CAMK2B: variants seen among roughly 807,000 people sequenced by gnomAD.
CAMK2B encodes the protein calcium/calmodulin dependent protein kinase II beta, also known as calcium/calmodulin-dependent protein kinase type II subunit beta.
In CAMK2B, 27 loss-of-function variants were observed where a neutral mutation model predicts 93.7. The ratio of observed to expected loss-of-function variants is 0.29; its 90% CI spans 0.21 to 0.40. The LOEUF is 0.40. CAMK2B is among the 10% of genes least tolerant of loss of function. The probability of loss-of-function intolerance (pLI) is 1.00; values close to 1 mark genes in which losing one functional copy is unlikely to be tolerated. For synonymous variants in CAMK2B, 374 were observed against 358.8 expected, an observed-to-expected ratio of 1.04 and a Z score of -0.48; for missense variants, 568 against 895.8, an observed-to-expected ratio of 0.63 and a Z score of 4.67.
At chr7:44,233,655 CT>C (rs374675235) in intron 15 of CAMK2B, among the ~76,000 whole-genome samples, 14 of 152,306 alleles carry the variant, frequency 9.2e-5, no homozygotes, top group African/African-American at 3.1e-4. Context: ...CCAGCCACAA[CT>C]TTACATCCTT....
chr7:44,244,135 C>T (rs1220227897), intron 6 of CAMK2B, among the ~76,000 whole-genome samples: 1 of 152,214 alleles, frequency 6.6e-6, no homozygotes, highest in Non-Finnish European at 1.5e-5. Flanking sequence ...CACCAAGTCC[C>T]CCTGGCTCTG....
rs1036139717 is a variant in CAMK2B at position 44,218,645 on chromosome 7, G to C, written c.*880C>G. On this transcript the variant is annotated 3_prime_UTR_variant, in exon 24 of 24. Transcript: ENST00000395749. ...GCCCAGGCAGAGTCCTCTTGCCACA[G>C]CTGGCTGTGTTGGAGCTGTAGCCAG... 1 of 152,322 alleles carries C rather than the reference G, an allele frequency of 6.6e-6. No individual in the cohort carries two copies. Among genetic ancestry groups the C allele is most frequent in the African/African-American group, 2.4e-5 (1 of 41,476 alleles). 9.4% of individuals were successfully genotyped at this position (152,322 alleles called of 1,614,324 possible). A position where few individuals can be genotyped will look rare whatever the true frequency, so the allele number is the denominator to read the frequency against.
At position 44,229,636 on chromosome 7, in the gene CAMK2B, T is replaced by C. The variant is rs543795692; in HGVS notation, c.1226-135A>G. 1,088 of 191,698 alleles carry C rather than the reference T, an allele frequency of 5.7e-3. 11 individuals carry two copies. The highest frequency in any genetic ancestry group is 0.021 in the Admixed American group (155 of 7,282). 11.9% of individuals were successfully genotyped at this position (191,698 alleles called of 1,614,324 possible). A position where few individuals can be genotyped will look rare whatever the true frequency, so the allele number is the denominator to read the frequency against. On this transcript the variant is annotated intron_variant, in intron 17 of 23. Coordinates refer to ENST00000395749, the MANE Select transcript of CAMK2B (RefSeq NM_001220.5). ...ATACCTGGGGCTCCTGGGGTGGAGG[T>C]GGGGTGGCCACCTGTGGGGGTCCTG...
Position 44,247,110 on chromosome 7 carries a change from G to C in CAMK2B, c.414+10C>G, listed in dbSNP as rs2096739090. On this transcript the variant is annotated intron_variant, in intron 6 of 23. Transcript: ENST00000395749. ...ACAGACACCTGGCACAGAGTGGGGT[G>C]GGGACTCACCTTGAGGTCTCTGTGG... The C allele has an allele frequency of 1.2e-6, 2 of 1,608,832 alleles. No individual in the cohort carries two copies. Among genetic ancestry groups the C allele is most frequent in the Non-Finnish European group, 1.7e-6 (2 of 1,175,398 alleles).
At chr7:44,317,801 A>C (rs909325297) in intron 1 of CAMK2B, among the ~76,000 whole-genome samples, 1 of 152,162 alleles carries the variant, frequency 6.6e-6, no homozygotes, top group Non-Finnish European at 1.5e-5. Context: ...AAATGAAGGT[A>C]AACTTCAAAT....
intron 6 of CAMK2B, among the ~76,000 whole-genome samples, chr7:44,246,481 A>G (rs1227254211): frequency 6.6e-6 from 1 of 152,040 alleles, no homozygotes; most frequent in African/African-American, 2.4e-5. Context: ...ATGTACCCAC[A>G]TGTACACATT....
intron 1 of CAMK2B, among the ~76,000 whole-genome samples, chr7:44,299,258 T>C (rs1789216395): frequency 6.6e-6 from 1 of 152,212 alleles, no homozygotes; most frequent in South Asian, 2.1e-4. Flanking sequence ...CTTGAGGACA[T>C]TACGCTAAGT....
chr7:44,325,462 GGGC>G lies in CAMK2B; in HGVS notation c.-44_-42del. 1 of 1,030,472 alleles carries G rather than the reference GGGC, an allele frequency of 9.7e-7. No individual in the cohort carries two copies. The highest frequency in any genetic ancestry group is 1.2e-6 in the Non-Finnish European group (1 of 850,328). 63.8% of individuals were successfully genotyped at this position (1,030,472 alleles called of 1,614,324 possible). A position where few individuals can be genotyped will look rare whatever the true frequency, so the allele number is the denominator to read the frequency against. The stretch of plus-strand genomic sequence containing the variant: ...GCTCGGCGTGCGCTCGGCTGCGCTC[GGGC>G]GGCGGCGACTCCGGCTCCCGCTCGC... On this transcript the variant is annotated 5_prime_UTR_variant, in exon 1 of 24. Coordinates refer to ENST00000395749, the MANE Select transcript of CAMK2B (RefSeq NM_001220.5).
chr7:44,250,295 C>T (rs1372882972), intron 5 of CAMK2B, among the ~76,000 whole-genome samples: 2 of 152,152 alleles, frequency 1.3e-5, no homozygotes, highest in African/African-American at 4.8e-5. Flanking sequence ...ACCATCTTGT[C>T]TGCCGTCACT....
intron 16 of CAMK2B, among the ~76,000 whole-genome samples, chr7:44,231,362 C>G (rs115295268): frequency 2.0e-5 from 3 of 152,212 alleles, no homozygotes; most frequent in Non-Finnish European, 2.9e-5. Context: ...CAGGCTGGCA[C>G]GGAGTCCGAG....
chr7:44,302,838 GATCAGGA>G (rs1216967487), intron 1 of CAMK2B, among the ~76,000 whole-genome samples: 2 of 152,122 alleles, frequency 1.3e-5, no homozygotes, highest in African/African-American at 4.8e-5. Flanking sequence ...TTTCCACTAA[GATCAGGA>G]ACAAAGCAAG....
intron 20 of CAMK2B, chr7:44,226,027 C>G (rs892438030): frequency 2.7e-5 from 20 of 734,170 alleles, no homozygotes; most frequent in Non-Finnish European, 3.9e-5. Flanking sequence ...AGCTGCCCCC[C>G]AGATCCGCGC....
chr7:44,260,495 C>A (rs1380847274), intron 3 of CAMK2B, among the ~76,000 whole-genome samples: 1 of 152,212 alleles, frequency 6.6e-6, no homozygotes, highest in Non-Finnish European at 1.5e-5. Flanking sequence ...AGCCCAGCCC[C>A]TGCCACTTGC....
rs1478203473 is a variant in CAMK2B at position 44,225,775 on chromosome 7, C to T, written c.1597+741G>A. The T allele has an allele frequency of 7.8e-7, 1 of 1,289,534 alleles. No homozygotes were observed. The highest frequency in any genetic ancestry group is 1.0e-6 in the Non-Finnish European group (1 of 988,810). The allele number at this position is 1,289,534 out of a possible 1,614,324, so 79.9% of individuals were successfully genotyped here. The stretch of plus-strand genomic sequence containing the variant: ...CTCAAGTACTTACCTAGCCACTGCC[C>T]TGCCATGCCGAGCCCGTGGCCCAGC... On this transcript the variant is annotated intron_variant, in intron 20 of 23. Transcript: ENST00000395749. This position sits in a 1 kb window ranked among gnomAD's most constrained non-coding sequence, Gnocchi z 5.0.
chr7:44,300,200 A>C (rs1014625359), intron 1 of CAMK2B, among the ~76,000 whole-genome samples: 1 of 151,968 alleles, frequency 6.6e-6, no homozygotes, highest in Non-Finnish European at 1.5e-5. Flanking sequence ...ATGGCTGGCT[A>C]ATTTTTTTAA....
chr7:44,297,665 T>C (rs2129165205), intron 1 of CAMK2B, among the ~76,000 whole-genome samples: 1 of 152,254 alleles, frequency 6.6e-6, no homozygotes, highest in Non-Finnish European at 1.5e-5. Flanking sequence ...CAAAGTTATC[T>C]ACAGATTCAA....
At chr7:44,244,799 C>T (rs2096714616) in intron 6 of CAMK2B, 2 of 344,712 alleles carry the variant, frequency 5.8e-6, no homozygotes, top group Non-Finnish European at 5.8e-6. Context: ...TCGAAAGCTC[C>T]AGCCACGCCC....
At chr7:44,276,645 G>T (rs371744745) in intron 2 of CAMK2B, among the ~76,000 whole-genome samples, 10 of 152,222 alleles carry the variant, frequency 6.6e-5, no homozygotes, top group Non-Finnish European at 1.3e-4. Context: ...GGGAGCTGGG[G>T]TGAGCTGCGC....
At position 44,223,463 on chromosome 7, in the gene CAMK2B, G is replaced by A. The variant is rs577684425; in HGVS notation, c.1598-2562C>T. Among the ~76,000 whole-genome samples, 821 of 152,258 alleles carry A rather than the reference G, an allele frequency of 5.4e-3. 4 individuals are homozygous for A. The highest frequency in any genetic ancestry group is 0.014 in the Middle Eastern group (4 of 294). On this transcript the variant is annotated intron_variant, in intron 20 of 23. Transcript: ENST00000395749. Reference sequence around the variant, plus strand: ...CTCCAGTTCCTGCTGCAGCCACCACGAGTCCCATTCCTGCCCCATTCCACC... The same window carrying A: ...CTCCAGTTCCTGCTGCAGCCACCACAAGTCCCATTCCTGCCCCATTCCACC...
Sources: allele counts gnomAD v4.1 joint callset (sites outside exome capture counted in the v4.1 genomes callset), GRCh38; gene constraint gnomAD v4.1.1; non-coding constraint Gnocchi (gnomAD v3.1); transcripts MANE v1.5; gene names NCBI Gene and HGNC (gene_info 2026-07-23, HGNC 2026-07-21).